The following TBCD variants were observed in gnomAD, a reference collection of about 807,000 sequenced individuals.
TBCD encodes tubulin folding cofactor D.
Under a neutral mutation model 169.3 loss-of-function variants are expected in TBCD, and 105 were observed. The observed-to-expected ratio is 0.62, with a 90% CI of 0.53 to 0.73. The LOEUF is 0.73. TBCD is among the 30% of genes least tolerant of loss of function. TBCD has a pLI of 0.00. For synonymous variants in TBCD, 700 were observed against 643.9 expected (o/e 1.09, Z -1.32); for missense variants, 1,444 against 1,600.1 (o/e 0.90, Z 1.66).
intron 4 of TBCD, 48 bp from the exon 5 acceptor site, chr17:82,768,372 C>A (rs766750304): frequency 6.8e-6 from 11 of 1,609,660 alleles, no homozygotes; most frequent in East Asian, 6.7e-5. Flanking sequence ...GGCCAGTGGC[C>A]TGTGATTTTC....
chr17:82,924,287 T>C (rs1316297778), intron 26 of TBCD, among the ~76,000 whole-genome samples: 3 of 152,198 alleles, frequency 2.0e-5, no homozygotes, highest in Non-Finnish European at 4.4e-5. Flanking sequence ...CACCGTGACA[T>C]TTTTCTGCTG....
At chr17:82,861,921 T>C (rs1381440428) in intron 13 of TBCD, among the ~76,000 whole-genome samples, 2 of 151,722 alleles carry the variant, frequency 1.3e-5, no homozygotes, top group African/African-American at 4.9e-5. Context: ...GTCTTTTTTT[T>C]TTTTCTTTTT....
chr17:82,805,513 C>T (rs1354188712), intron 9 of TBCD, among the ~76,000 whole-genome samples: 2 of 152,174 alleles, frequency 1.3e-5, no homozygotes, highest in African/African-American at 4.8e-5. Context: ...GGTGGCCGTT[C>T]AGGAAGGGGC....
chr17:82,764,859 T>G (rs1197639105), intron 3 of TBCD, among the ~76,000 whole-genome samples: 13 of 180 alleles, frequency 0.072, no homozygotes, highest in African/African-American at 0.3. Flanking sequence ...GTGTCTGTGC[T>G]CATAGTCTGC....
rs2061995196 is a variant in TBCD at position 82,929,095 on chromosome 17, C to T, written c.2694-18C>T. On this transcript the variant is annotated intron_variant, in intron 30 of 38. Transcript: ENST00000355528. The stretch of plus-strand genomic sequence containing the variant: ...TTTACCGCCCGCCCTTGGTTTACCT[C>T]CTGCTCTCGGTTTGCAGCTGTGAGC... The T allele has an allele frequency of 1.6e-5, 25 of 1,601,942 alleles. No individual in the cohort carries two copies. The highest frequency in any genetic ancestry group is 2.0e-5 in the Non-Finnish European group (24 of 1,175,796).
At chr17:82,851,017 C>T (rs549698038) in intron 13 of TBCD, among the ~76,000 whole-genome samples, 12 of 152,252 alleles carry the variant, frequency 7.9e-5, no homozygotes, top group South Asian at 2.1e-4. Flanking sequence ...GATACAGAAC[C>T]GTGTAGCTAG....
At chr17:82,816,832 T>C (rs1164316461) in intron 13 of TBCD, among the ~76,000 whole-genome samples, 2 of 143,128 alleles carry the variant, frequency 1.4e-5, no homozygotes, top group African/African-American at 5.2e-5. Flanking sequence ...GCCACCACAC[T>C]TGCCCCCTGC....
At chr17:82,769,364 C>T (rs1323801065) in intron 5 of TBCD, among the ~76,000 whole-genome samples, 1 of 152,214 alleles carries the variant, frequency 6.6e-6, no homozygotes, top group East Asian at 1.9e-4. Context: ...ACGTCCCATT[C>T]CTCTGCCAGA....
chr17:82,815,255 A>AG lies in TBCD; in HGVS notation c.1318+324dup, dbSNP rs532579817. ...GATTACCCTGTGTAGCTGGTTTTGG[A>AG]GGGCCACGAATCCTTGTAATGTCTG... On this transcript the variant is annotated intron_variant, in intron 13 of 38. Coordinates refer to ENST00000355528, the MANE Select transcript of TBCD (RefSeq NM_005993.5). 3.9e-5 allele frequency among the ~76,000 whole-genome samples: 6 copies of AG among 152,222 alleles called. No homozygotes were observed. The South Asian group carries it at 1.2e-3, about 32-fold the overall frequency.
intron 6 of TBCD, 129 bp downstream of exon 6, chr17:82,772,636 C>A: frequency 9.8e-7 from 1 of 1,021,564 alleles, no homozygotes; most frequent in Non-Finnish European, 1.5e-6. Context: ...GACTCTGTGG[C>A]TTTCTCTGAG....
chr17:82,859,596 G>C, intron 13 of TBCD: 11 of 985,464 alleles, frequency 1.1e-5, no homozygotes, highest in African/African-American at 1.7e-5. Context: ...CGGCACTGCA[G>C]ACTCCAAGTG....
chr17:82,941,343 A>G (rs1003029223), intron 37 of TBCD, 56 bp from the exon 38 acceptor site: 242 of 1,478,254 alleles, frequency 1.6e-4, no homozygotes, highest in Non-Finnish European at 2.2e-4. Context: ...ACCTCCGCAC[A>G]CCTGAGGTTC....
Position 82,920,309 on chromosome 17 carries a change from G to A in TBCD, c.2039-247G>A, listed in dbSNP as rs538579009. Among the ~76,000 whole-genome samples the A allele has an allele frequency of 1.6e-4, 25 of 152,372 alleles. No homozygotes were observed. The highest frequency in any genetic ancestry group is 6.0e-4 in the African/African-American group (25 of 41,592). On this transcript the variant is annotated intron_variant, in intron 23 of 38. Transcript: ENST00000355528. This position sits in a 1 kb window ranked among gnomAD's most constrained non-coding sequence, Gnocchi z 4.1. ...GAAGTGCACGTGGGCTCACACATGG[G>A]CCTTCTGCCACGTGGCTGGGTCTGC...
At chr17:82,888,054 G>A (rs2146335792) in intron 15 of TBCD, among the ~76,000 whole-genome samples, 1 of 152,314 alleles carries the variant, frequency 6.6e-6, no homozygotes, top group Non-Finnish European at 1.5e-5. Flanking sequence ...CCTCTTCATA[G>A]GGCAAGAGTT....
chr17:82,782,826 C>G lies in TBCD; in HGVS notation c.771+1105C>G, dbSNP rs2049038011. ...CCTGTCTGCGGTGGCGTCGTCCTGTCTGCGGTGGCGTCCTCCTGTCCGCAG... is the reference window on the plus strand; with the variant it reads ...CCTGTCTGCGGTGGCGTCGTCCTGTGTGCGGTGGCGTCCTCCTGTCCGCAG... On this transcript the variant is annotated intron_variant, in intron 7 of 38. Transcript: ENST00000355528. The surrounding 1 kb of genome is among the most constrained non-coding windows in gnomAD (Gnocchi z 5.1). Among the ~76,000 whole-genome samples the G allele has an allele frequency of 6.6e-6, 1 of 151,324 alleles. No individual in the cohort carries two copies. The highest frequency in any genetic ancestry group is 1.5e-5 in the Non-Finnish European group (1 of 67,772).
chr17:82,753,365 G>A (rs2047218251), intron 1 of TBCD, among the ~76,000 whole-genome samples: 1 of 150,556 alleles, frequency 6.6e-6, no homozygotes, highest in South Asian at 2.1e-4. Flanking sequence ...GTGCAGAACT[G>A]TTCTGAGGGT....
intron 13 of TBCD, among the ~76,000 whole-genome samples, chr17:82,842,607 A>G (rs2054614540): frequency 6.6e-6 from 1 of 152,054 alleles, no homozygotes; most frequent in Non-Finnish European, 1.5e-5. Flanking sequence ...TGAGGCACAC[A>G]CCTTTTATAG....
intron 13 of TBCD, among the ~76,000 whole-genome samples, chr17:82,818,456 C>T (rs1406134261): frequency 1.3e-5 from 2 of 152,180 alleles, no homozygotes; most frequent in East Asian, 1.9e-4. Flanking sequence ...CTCTGAGAGC[C>T]GTCTTGTTTA....
At chr17:82,848,085 C>T (rs1413243933) in intron 13 of TBCD, among the ~76,000 whole-genome samples, 3 of 152,118 alleles carry the variant, frequency 2.0e-5, no homozygotes, top group Non-Finnish European at 4.4e-5. Context: ...GGGCGCGGCC[C>T]TGTGGGATGG....
Sources: gnomAD v4.1 joint callset for allele counts (sites outside exome capture counted in the v4.1 genomes callset) on GRCh38, gnomAD v4.1.1 for gene constraint, Gnocchi (gnomAD v3.1) non-coding constraint, MANE v1.5 for transcripts, NCBI Gene and HGNC (gene_info 2026-07-23, HGNC 2026-07-21) for gene names.